Variants in ZNF804A observed in about 807,000 individuals in gnomAD.
The protein encoded by ZNF804A is zinc finger protein 804A.
ZNF804A carries 2 observed loss-of-function variants against 16.5 expected under a neutral mutation model. The observed-to-expected ratio is 0.12, with a 90% confidence interval of 0.05 to 0.38. The LOEUF is 0.38. Ranked by LOEUF, ZNF804A falls within the 10% of genes least tolerant of loss-of-function variation. The pLI is 0.99. For missense variants in ZNF804A, 1,473 were observed against 1,390.7 expected (o/e 1.06, Z -0.94); for synonymous variants, 534 against 489.6 (o/e 1.09, Z -1.20).
At chr2:184,922,450 AT>A (rs1455511936) in intron 2 of ZNF804A, among the ~76,000 whole-genome samples, 2 of 151,324 alleles carry the variant, frequency 1.3e-5, no homozygotes, top group Admixed American at 6.6e-5. Flanking sequence ...TGATTATTTG[AT>A]TTTTTTCTTA....
chr2:184,875,547 G>A lies in ZNF804A; in HGVS notation c.255+9035G>A, dbSNP rs369312978. On this transcript the variant is annotated intron_variant, in intron 2 of 3. Transcript: ENST00000302277. ...TGCCCTCATGTTTCTTGTACAGCCT[G>A]CAGAACTGTGAGCCAAATCAGCCTC... Among the ~76,000 whole-genome samples, 66 of 152,144 alleles carry A rather than the reference G, an allele frequency of 4.3e-4. 2 individuals are homozygous for A. The East Asian group carries it at 0.011, about 26-fold the overall frequency.
At chr2:184,886,189 C>T (rs563450136) in intron 2 of ZNF804A, among the ~76,000 whole-genome samples, 26 of 152,210 alleles carry the variant, frequency 1.7e-4, no homozygotes, top group African/African-American at 4.6e-4. Flanking sequence ...TTACAAGGCC[C>T]GTGCAAATCT....
intron 1 of ZNF804A, among the ~76,000 whole-genome samples, chr2:184,850,235 AAC>A (rs2105803731): frequency 6.6e-6 from 1 of 152,056 alleles, no homozygotes; most frequent in East Asian, 1.9e-4. Flanking sequence ...GAAGGTTCCT[AAC>A]ACAAAGAAAT....
chr2:184,664,130 G>T (rs1259093458), intron 1 of ZNF804A, among the ~76,000 whole-genome samples: 1 of 152,088 alleles, frequency 6.6e-6, no homozygotes, highest in African/African-American at 2.4e-5. Flanking sequence ...AATTGTTTAG[G>T]TTTTCAAGAA....
intron 1 of ZNF804A, among the ~76,000 whole-genome samples, chr2:184,723,413 A>T (rs574715914): frequency 2.0e-5 from 3 of 151,806 alleles, no homozygotes; most frequent in East Asian, 3.9e-4. Flanking sequence ...AATTTTTTTT[A>T]AATTGGGAGA....
intron 1 of ZNF804A, among the ~76,000 whole-genome samples, chr2:184,792,689 T>C (rs531259726): frequency 4.3e-4 from 66 of 152,316 alleles, no homozygotes; most frequent in African/African-American, 1.5e-3. Flanking sequence ...AGTTCATCAA[T>C]AATTTTTTTA....
At chr2:184,884,657 A>G (rs1386435285) in intron 2 of ZNF804A, among the ~76,000 whole-genome samples, 1 of 152,164 alleles carries the variant, frequency 6.6e-6, no homozygotes, top group Non-Finnish European at 1.5e-5. Flanking sequence ...CTGCACATGT[A>G]CAATCAATCT....
intron 1 of ZNF804A, among the ~76,000 whole-genome samples, chr2:184,700,830 G>T (rs1559129804): frequency 6.6e-6 from 1 of 151,962 alleles, no homozygotes; most frequent in Non-Finnish European, 1.5e-5. Context: ...GTATTATTTG[G>T]AAATGACCCT....
chr2:184,667,462 A>T (rs892890291), intron 1 of ZNF804A, among the ~76,000 whole-genome samples: 4 of 151,912 alleles, frequency 2.6e-5, no homozygotes, highest in African/African-American at 9.7e-5. Context: ...ATTGACATAT[A>T]CTGGTATATT....
chr2:184,839,584 A>G (rs1227204866), intron 1 of ZNF804A, among the ~76,000 whole-genome samples: 1 of 152,142 alleles, frequency 6.6e-6, no homozygotes, highest in Non-Finnish European at 1.5e-5. Context: ...AAGAAAGGCC[A>G]TAGCATAAAA....
chr2:184,799,655 C>T (rs2105782170), intron 1 of ZNF804A, among the ~76,000 whole-genome samples: 1 of 152,250 alleles, frequency 6.6e-6, no homozygotes, highest in African/African-American at 2.4e-5. Flanking sequence ...TACCAAGTAG[C>T]TGGAACCACA....
At chr2:184,780,450 A>G (rs1221545291) in intron 1 of ZNF804A, among the ~76,000 whole-genome samples, 2 of 151,772 alleles carry the variant, frequency 1.3e-5, no homozygotes, top group Non-Finnish European at 2.9e-5. Flanking sequence ...AGAACTGAAA[A>G]CTGAGAACTG....
At chr2:184,643,596 T>C (rs1691828740) in intron 1 of ZNF804A, among the ~76,000 whole-genome samples, 3 of 151,910 alleles carry the variant, frequency 2.0e-5, no homozygotes, top group Admixed American at 2.0e-4. Context: ...TAGTTAAGAA[T>C]GCAGAATCAA....
chr2:184,689,322 A>C (rs902772479), intron 1 of ZNF804A, among the ~76,000 whole-genome samples: 1 of 152,134 alleles, frequency 6.6e-6, no homozygotes, highest in African/African-American at 2.4e-5. Context: ...CTGATGAAAA[A>C]TTGCTCACAA....
At chr2:184,664,393 A>G (rs1692224623) in intron 1 of ZNF804A, among the ~76,000 whole-genome samples, 1 of 152,202 alleles carries the variant, frequency 6.6e-6, no homozygotes, top group South Asian at 2.1e-4. Context: ...ACACAAGTAA[A>G]ATGGACATAA....
chr2:184,705,018 C>G lies in ZNF804A; in HGVS notation c.111+105948C>G, dbSNP rs570373971. ...ATTCACACCATAAGTTGTTAATACT[C>G]CTGCTCTTTCAGATTATAAATTGGG... On this transcript the variant is annotated intron_variant, in intron 1 of 3. Coordinates refer to ENST00000302277, the MANE Select transcript of ZNF804A (RefSeq NM_194250.2). Among the ~76,000 whole-genome samples, 3 of 152,260 alleles carry G rather than the reference C, an allele frequency of 2.0e-5. No individual in the cohort carries two copies. The South Asian group carries it at 6.2e-4, about 32-fold the overall frequency.
intron 1 of ZNF804A, among the ~76,000 whole-genome samples, chr2:184,706,722 A>C (rs1466914091): frequency 6.6e-6 from 1 of 152,146 alleles, no homozygotes; most frequent in Non-Finnish European, 1.5e-5. Flanking sequence ...TACAGCTGTA[A>C]TAGTTTTGAT....
chr2:184,799,848 A>G (rs1694697825), intron 1 of ZNF804A, among the ~76,000 whole-genome samples: 2 of 152,062 alleles, frequency 1.3e-5, no homozygotes, highest in African/African-American at 4.8e-5. Context: ...TTAGCCAGCA[A>G]TTGTTTTCTA....
intron 1 of ZNF804A, among the ~76,000 whole-genome samples, chr2:184,781,128 A>G (rs922739015): frequency 6.6e-6 from 1 of 151,764 alleles, no homozygotes; most frequent in African/African-American, 2.4e-5. Context: ...GCCAATCAAA[A>G]TACACATTGT....
Sources: gnomAD v4.1 joint callset for allele counts (sites outside exome capture counted in the v4.1 genomes callset) on GRCh38, gnomAD v4.1.1 for gene constraint, MANE v1.5 for transcripts, NCBI Gene and HGNC (gene_info 2026-07-23, HGNC 2026-07-21) for gene names.